RBFOX1: variants seen among roughly 807,000 people sequenced by gnomAD.
The protein encoded by RBFOX1 is RNA binding fox-1 homolog 1.
RBFOX1 carries 8 observed loss-of-function variants against 57.7 expected under a neutral mutation model. That is an observed-to-expected ratio of 0.14 (90% CI 0.08 to 0.25). The LOEUF (loss-of-function observed/expected upper bound fraction) is 0.25. RBFOX1 is among the 10% of genes least tolerant of loss of function. The pLI is 1.00. For synonymous variants in RBFOX1, 326 were observed against 222.4 expected, an observed-to-expected ratio of 1.47 and a Z score of -4.15; for missense variants, 611 against 548.5, an observed-to-expected ratio of 1.11 and a Z score of -1.14.
At chr16:6,728,734 A>G (rs1273835992) in intron 3 of RBFOX1, among the ~76,000 whole-genome samples, 1 of 152,192 alleles carries the variant, frequency 6.6e-6, no homozygotes, top group Non-Finnish European at 1.5e-5. Context: ...GCTCAATAGA[A>G]GAAACACGGT....
At chr16:6,872,874 T>C (rs935246112) in intron 3 of RBFOX1, among the ~76,000 whole-genome samples, 16 of 152,160 alleles carry the variant, frequency 1.1e-4, no homozygotes, top group Admixed American at 5.2e-4. Context: ...AGACTCCATG[T>C]TCCATAAAAA....
At chr16:5,731,118 A>G (rs1387553970) in intron 3 of RBFOX1, among the ~76,000 whole-genome samples, 1 of 152,114 alleles carries the variant, frequency 6.6e-6, no homozygotes, top group East Asian at 1.9e-4. Context: ...TATCACCATC[A>G]TCACTGTCAT....
chr16:6,424,816 G>C (rs1014405562), intron 2 of RBFOX1, among the ~76,000 whole-genome samples: 1 of 152,090 alleles, frequency 6.6e-6, no homozygotes, highest in Non-Finnish European at 1.5e-5. Context: ...CTTAGGTTAA[G>C]GTTCAATGGG....
At chr16:5,474,249 C>G (rs1252178153) in intron 2 of RBFOX1, among the ~76,000 whole-genome samples, 1 of 152,216 alleles carries the variant, frequency 6.6e-6, no homozygotes, top group Non-Finnish European at 1.5e-5. Flanking sequence ...CACAACAGGA[C>G]TTTTAAAAAT....
rs1304675439 is a variant in RBFOX1 at position 7,338,791 on chromosome 16, A to G, written c.28-179356A>G. ...ATAAAGAAATCTATAAAGAACTTAC[A>G]AGTAATTTGGGTAAGTTTCTGGTTG... On this transcript the variant is annotated intron_variant, in intron 4 of 15. Transcript: ENST00000550418. 3.9e-5 allele frequency among the ~76,000 whole-genome samples: 6 copies of G among 152,346 alleles called. No individual in the cohort carries two copies. In the Middle Eastern group the frequency reaches 0.01, roughly 259 times the overall value.
At chr16:7,228,840 A>G (rs922908725) in intron 4 of RBFOX1, among the ~76,000 whole-genome samples, 1 of 152,356 alleles carries the variant, frequency 6.6e-6, no homozygotes, top group African/African-American at 2.4e-5. Context: ...CTTCACGTTC[A>G]CTTGAAAATG....
chr16:5,585,413 T>G (rs1042296477), intron 2 of RBFOX1, among the ~76,000 whole-genome samples: 1 of 152,240 alleles, frequency 6.6e-6, no homozygotes, highest in Non-Finnish European at 1.5e-5. Context: ...CATCCAGTGA[T>G]GGACATCTGG....
At position 6,669,478 on chromosome 16, in the gene RBFOX1, G is replaced by A. The variant is rs75620378; in HGVS notation, c.-16+14828G>A. On this transcript the variant is annotated intron_variant, in intron 3 of 15. Transcript: ENST00000550418. Reference sequence around the variant, plus strand: ...ACCAGAGGTTTTTCATATTTTCTTTGTTTTTTTCCAGAGTGATTGCAGTAT... The same window carrying A: ...ACCAGAGGTTTTTCATATTTTCTTTATTTTTTTCCAGAGTGATTGCAGTAT... 3.2e-4 allele frequency among the ~76,000 whole-genome samples: 48 copies of A among 151,980 alleles called. No homozygotes were observed. In the East Asian group the frequency reaches 9.1e-3, roughly 29 times the overall value.
chr16:5,580,175 C>T (rs753737015), intron 2 of RBFOX1, among the ~76,000 whole-genome samples: 10 of 152,184 alleles, frequency 6.6e-5, no homozygotes, highest in African/African-American at 2.2e-4. Context: ...CTTGGCCCAG[C>T]GTAGTGATGG....
Position 6,729,945 on chromosome 16 carries a change from G to A in RBFOX1, c.-16+75295G>A, listed in dbSNP as rs896656325. 2.2e-4 allele frequency among the ~76,000 whole-genome samples: 34 copies of A among 152,022 alleles called. 1 individual carries two copies. The highest frequency in any genetic ancestry group is 1.5e-5 in the Non-Finnish European group (1 of 68,000). On this transcript the variant is annotated intron_variant, in intron 3 of 15. Coordinates refer to ENST00000550418, the MANE Select transcript of RBFOX1 (RefSeq NM_018723.4). ...ATGCCCGACTCCGAGAAGAGATAAT[G>A]GCTGATCAAAAACTCAGATCCTGAT...
chr16:5,369,526 C>T (rs1479634935), intron 1 of RBFOX1, among the ~76,000 whole-genome samples: 1 of 152,232 alleles, frequency 6.6e-6, no homozygotes, highest in Non-Finnish European at 1.5e-5. Context: ...CTCCGTGGTA[C>T]ATGCTGCTAT....
At chr16:5,910,277 T>A (rs936177500) in intron 4 of RBFOX1, among the ~76,000 whole-genome samples, 4 of 151,850 alleles carry the variant, frequency 2.6e-5, no homozygotes, top group African/African-American at 9.7e-5. Flanking sequence ...CAGGGAGAAG[T>A]TTCACATAGC....
chr16:6,333,490 T>C (rs1287617697), intron 2 of RBFOX1, among the ~76,000 whole-genome samples: 1 of 152,264 alleles, frequency 6.6e-6, no homozygotes, highest in Non-Finnish European at 1.5e-5. Flanking sequence ...CCCTTTGTCA[T>C]CATAGCTTCT....
At chr16:6,780,274 T>C (rs2080602119) in intron 3 of RBFOX1, among the ~76,000 whole-genome samples, 1 of 68,244 alleles carries the variant, frequency 1.5e-5, no homozygotes, top group South Asian at 5.8e-4. Flanking sequence ...TTTATACATA[T>C]ATATATTTAT....
intron 2 of RBFOX1, among the ~76,000 whole-genome samples, chr16:6,482,414 T>G (rs2095385547): frequency 6.6e-6 from 1 of 152,214 alleles, no homozygotes; most frequent in South Asian, 2.1e-4. Context: ...AATCAGCACT[T>G]AAGCTGAAGA....
chr16:5,611,750 T>TCCATCCATC (rs2047809447), intron 3 of RBFOX1, among the ~76,000 whole-genome samples: 6 of 6,830 alleles, frequency 8.8e-4, no homozygotes, highest in Admixed American at 2.5e-3. Flanking sequence ...ATCCATCCAT[T>TCCATCCATC]CACCCTTCTT....
chr16:6,168,839 C>G (rs2096937255), intron 1 of RBFOX1, among the ~76,000 whole-genome samples: 5 of 151,244 alleles, frequency 3.3e-5, no homozygotes, highest in Admixed American at 2.0e-4. Flanking sequence ...TTTAAACACT[C>G]TCCCAGTGGA....
At chr16:6,101,221 CT>C (rs1271965095) in intron 1 of RBFOX1, among the ~76,000 whole-genome samples, 1 of 152,190 alleles carries the variant, frequency 6.6e-6, no homozygotes, top group Admixed American at 6.5e-5. Flanking sequence ...CACTCTCTCA[CT>C]TTCCCCTTCT....
intron 4 of RBFOX1, among the ~76,000 whole-genome samples, chr16:7,382,033 C>T (rs149292745): frequency 6.6e-6 from 1 of 152,196 alleles, no homozygotes; most frequent in Non-Finnish European, 1.5e-5. Context: ...GAAGGATGAT[C>T]TTTTCTTGTA....
Sources: gnomAD v4.1 joint callset for allele counts (sites outside exome capture counted in the v4.1 genomes callset) on GRCh38, gnomAD v4.1.1 for gene constraint, MANE v1.5 for transcripts, NCBI Gene and HGNC (gene_info 2026-07-23, HGNC 2026-07-21) for gene names.